Variants in IQCH observed in about 807,000 individuals in gnomAD.
IQCH encodes IQ motif containing H, also known as IQ domain-containing protein H.
Under a neutral mutation model 117.0 loss-of-function variants are expected in IQCH, and 98 were observed. That is an observed-to-expected ratio of 0.84 (90% CI 0.71 to 0.99). The LOEUF (loss-of-function observed/expected upper bound fraction) is 0.99, where lower values mean the gene tolerates loss of function less well. Among genes scored for constraint, IQCH ranks in the 50% least tolerant of loss-of-function variants. IQCH has a pLI of 0.00. For missense variants in IQCH, 1,102 were observed against 1,243.8 expected, an observed-to-expected ratio of 0.89 and a Z score of 1.72; for synonymous variants, 412 against 448.2, an observed-to-expected ratio of 0.92 and a Z score of 1.02.
chr15:67,288,486 C>T (rs1367325513), intron 4 of IQCH, among the ~76,000 whole-genome samples: 1 of 152,040 alleles, frequency 6.6e-6, no homozygotes, highest in Non-Finnish European at 1.5e-5. Flanking sequence ...TGAATTAACC[C>T]ATTTATCATT....
intron 14 of IQCH, among the ~76,000 whole-genome samples, chr15:67,409,485 A>G (rs982838362): frequency 2.0e-5 from 3 of 152,352 alleles, no homozygotes; most frequent in African/African-American, 7.2e-5. Flanking sequence ...GGCACAACAT[A>G]TGTGCCTCAG....
chr15:67,487,193 CGTG>C (rs1424364062), intron 18 of IQCH, among the ~76,000 whole-genome samples: 3 of 152,100 alleles, frequency 2.0e-5, no homozygotes, highest in Non-Finnish European at 4.4e-5. Context: ...ATTAGCCAGA[CGTG>C]GTGCCATGCG....
intron 4 of IQCH, among the ~76,000 whole-genome samples, chr15:67,316,954 C>T (rs1313343620): frequency 1.3e-5 from 2 of 152,230 alleles, no homozygotes; most frequent in East Asian, 3.9e-4. Flanking sequence ...AATTTCTCTG[C>T]CCCAATCTGA....
rs193296175 is a variant in IQCH at position 67,370,227 on chromosome 15, C to T, written c.754-1884C>T. Among the ~76,000 whole-genome samples, 144 of 152,270 alleles carry T rather than the reference C, an allele frequency of 9.5e-4. 1 individual carries two copies. The highest frequency in any genetic ancestry group is 3.1e-3 in the African/African-American group (130 of 41,540). On this transcript the variant is annotated intron_variant, in intron 8 of 20. Coordinates refer to ENST00000335894, the MANE Select transcript of IQCH (RefSeq NM_001031715.3). This position sits in a 1 kb window ranked among gnomAD's most constrained non-coding sequence, Gnocchi z 5.6. The stretch of plus-strand genomic sequence containing the variant: ...TAGATGGTCCTAATTCCACATGTCT[C>T]GCTGTGAAGATAAGAAGTTTCAGAA...
intron 1 of IQCH, among the ~76,000 whole-genome samples, chr15:67,259,290 GGAA>G (rs1376520576): frequency 4.6e-5 from 7 of 152,144 alleles, no homozygotes; most frequent in Non-Finnish European, 7.4e-5. Flanking sequence ...TAGTAAAGAA[GGAA>G]GAAGGATTCC....
At chr15:67,464,726 CTT>C (rs2082887522) in intron 16 of IQCH, among the ~76,000 whole-genome samples, 3 of 152,200 alleles carry the variant, frequency 2.0e-5, no homozygotes, top group Non-Finnish European at 4.4e-5. Flanking sequence ...ATTCATCACT[CTT>C]TTCCCGTCTT....
chr15:67,289,214 T>C (rs1318114361), intron 4 of IQCH, among the ~76,000 whole-genome samples: 1 of 152,156 alleles, frequency 6.6e-6, no homozygotes, highest in East Asian at 1.9e-4. Context: ...TATTTATAAT[T>C]TTTAAATAGT....
Position 67,372,129 on chromosome 15 carries a change from C to A in IQCH, c.772C>A (p.Pro258Thr). The change falls in exon 9 of 21, where the codon CCT becomes ACT. Residue 258 changes from proline (P) to threonine (T), a missense_variant. This residue lies in a region of IQCH where 452 missense variants were observed against 449.6 expected (regional missense o/e 1.01). Transcript: ENST00000335894. Reference protein sequence around the residue: ...HDRKAMKVKTPLRALKSLWDY... With the variant: ...HDRKAMKVKTTLRALKSLWDY... ...TCCACAGGCCATGAAAGTCAAAACA[C>A]CTTTGAGAGCCCTGAAATCACTGTG... 1 of 1,607,730 alleles carries A rather than the reference C, an allele frequency of 6.2e-7. No homozygotes were observed.
rs1282815569 is a variant in IQCH at position 67,458,741 on chromosome 15, A to G, written c.2506-6386A>G. Reference sequence around the variant, plus strand: ...CTTGGTCTTACTCTAGAAAAAATCAAGTGGTCCAATGCTGGATTTTCTGTC... The same window carrying G: ...CTTGGTCTTACTCTAGAAAAAATCAGGTGGTCCAATGCTGGATTTTCTGTC... On this transcript the variant is annotated intron_variant, in intron 16 of 20. Coordinates refer to ENST00000335894, the MANE Select transcript of IQCH (RefSeq NM_001031715.3). The surrounding 1 kb of genome is among the most constrained non-coding windows in gnomAD (Gnocchi z 4.1). Among the ~76,000 whole-genome samples, 1 of 152,240 alleles carries G rather than the reference A, an allele frequency of 6.6e-6. No individual in the cohort carries two copies. The highest frequency in any genetic ancestry group is 1.5e-5 in the Non-Finnish European group (1 of 68,042).
At chr15:67,258,216 C>T (rs1191478727) in intron 1 of IQCH, among the ~76,000 whole-genome samples, 1 of 143,314 alleles carries the variant, frequency 7.0e-6, no homozygotes, top group African/African-American at 2.6e-5. Context: ...CAGCAAGCAG[C>T]ACAGCGAGAC....
rs1247333176 is a variant in IQCH at position 67,475,194 on chromosome 15, G to A, written c.2677-502G>A. Among the ~76,000 whole-genome samples the A allele has an allele frequency of 6.6e-6, 1 of 152,218 alleles. No individual in the cohort carries two copies. Among genetic ancestry groups the A allele is most frequent in the African/African-American group, 2.4e-5 (1 of 41,450 alleles). On this transcript the variant is annotated intron_variant, in intron 17 of 20. Coordinates refer to ENST00000335894, the MANE Select transcript of IQCH (RefSeq NM_001031715.3). This position sits in a 1 kb window ranked among gnomAD's most constrained non-coding sequence, Gnocchi z 5.7. ...ATGGATTTATGTTAATAGTAATGTAGGGCCAGGTGTGGTGGCTCACGCCGG... is the reference window on the plus strand; with the variant it reads ...ATGGATTTATGTTAATAGTAATGTAAGGCCAGGTGTGGTGGCTCACGCCGG...
rs1037658290 is a variant in IQCH, at chr15:67,417,659, G to A, written c.2218+608G>A. The stretch of plus-strand genomic sequence containing the variant: ...TCATCCTCATTTCCTAACAACATTG[G>A]GTGGTCTATGAATGAGGGAATGAAT... On this transcript the variant is annotated intron_variant, in intron 15 of 20. Coordinates refer to ENST00000335894, the MANE Select transcript of IQCH (RefSeq NM_001031715.3). This position sits in a 1 kb window ranked among gnomAD's most constrained non-coding sequence, Gnocchi z 4.3. Among the ~76,000 whole-genome samples, 1 of 151,980 alleles carries A rather than the reference G, an allele frequency of 6.6e-6. No homozygotes were observed. Among genetic ancestry groups the A allele is most frequent in the African/African-American group, 2.4e-5 (1 of 41,366 alleles).
chr15:67,262,998 A>G (rs1965521662), intron 2 of IQCH, 124 bp from the exon 3 acceptor site: 1 of 671,848 alleles, frequency 1.5e-6, no homozygotes, highest in Admixed American at 2.6e-5. Flanking sequence ...TAGGCACGTA[A>G]TAATACATAG....
At chr15:67,297,521 C>A (rs1966860455) in intron 4 of IQCH, among the ~76,000 whole-genome samples, 1 of 152,124 alleles carries the variant, frequency 6.6e-6, no homozygotes, top group African/African-American at 2.4e-5. Context: ...AATCTCAAAT[C>A]TCTTCTGATT....
chr15:67,372,589 A>G lies in IQCH; in HGVS notation c.1232A>G (p.His411Arg), dbSNP rs1449401310. The G allele has an allele frequency of 3.7e-6, 6 of 1,614,052 alleles. No homozygotes were observed. The highest frequency in any genetic ancestry group is 2.2e-5 in the East Asian group (1 of 44,884). ...GCCATTGCTTGGCTGTTATATTGCCATAAGACTCGACTAAAGAAGATACTA... is the reference window on the plus strand; with the variant it reads ...GCCATTGCTTGGCTGTTATATTGCCGTAAGACTCGACTAAAGAAGATACTA... ...VIAIAWLLYC[H>R]KTRLKKILKE... Residue 411 changes from histidine to arginine, a missense_variant, in exon 9 of 21, where the codon CAT becomes CGT. His to Arg is a conservative substitution (Grantham distance 29). Coordinates refer to ENST00000335894, the MANE Select transcript of IQCH (RefSeq NM_001031715.3).
intron 4 of IQCH, among the ~76,000 whole-genome samples, chr15:67,331,691 G>A (rs964393467): frequency 6.6e-6 from 1 of 152,026 alleles, no homozygotes; most frequent in South Asian, 2.1e-4. Context: ...TCCAAGGCTG[G>A]CAGGACAGCT....
intron 1 of IQCH, among the ~76,000 whole-genome samples, chr15:67,257,004 C>T (rs1026208914): frequency 3.3e-5 from 5 of 152,214 alleles, no homozygotes; most frequent in South Asian, 2.1e-4. Context: ...ACTGTGCCAA[C>T]GTGGATTCCA....
rs7178870 is a variant in IQCH, at chr15:67,369,287, G to A, written c.754-2824G>A. On this transcript the variant is annotated intron_variant, in intron 8 of 20. Transcript: ENST00000335894. This position sits in a 1 kb window ranked among gnomAD's most constrained non-coding sequence, Gnocchi z 5.2. ...CAAGATGCTAATAATTAGGCCACAG[G>A]TTTGGGCTTCATGTGGGCCAATTAG... Among the ~76,000 whole-genome samples the A allele has an allele frequency of 0.45, 68,873 of 151,934 alleles. 16,084 individuals are homozygous for A. The highest frequency in any genetic ancestry group is 0.52 in the Non-Finnish European group (35,426 of 67,960).
chr15:67,266,127 A>G (rs1965658501), intron 3 of IQCH, among the ~76,000 whole-genome samples: 1 of 150,572 alleles, frequency 6.6e-6, no homozygotes, highest in South Asian at 2.1e-4. Context: ...TAATATGTGT[A>G]TAATTATTTA....
Sources: allele counts gnomAD v4.1 joint callset (sites outside exome capture counted in the v4.1 genomes callset), GRCh38; gene constraint gnomAD v4.1.1; regional missense constraint gnomAD v4.1.1; non-coding constraint Gnocchi (gnomAD v3.1); transcripts MANE v1.5; gene names NCBI Gene and HGNC (gene_info 2026-07-23, HGNC 2026-07-21).